Variants in STK3 observed in about 807,000 individuals in gnomAD.
STK3 encodes the protein serine/threonine-protein kinase 3.
In STK3, 41 loss-of-function variants were observed where a neutral mutation model predicts 58.0. That is an observed-to-expected ratio of 0.71 (90% CI 0.55 to 0.92). STK3 has a LOEUF of 0.92. STK3 is among the 40% of genes least tolerant of loss of function. STK3 has a pLI of 0.00. For missense variants in STK3, 479 were observed against 602.7 expected (o/e 0.79, Z 2.15); for synonymous variants, 170 against 191.0 (o/e 0.89, Z 0.91).
At chr8:98,536,375 G>T (rs904642071) in intron 9 of STK3, among the ~76,000 whole-genome samples, 5 of 151,988 alleles carry the variant, frequency 3.3e-5, no homozygotes, top group Admixed American at 3.3e-4. Context: ...ATTGCTTGAG[G>T]CCAGGAGTTT....
intron 3 of STK3, among the ~76,000 whole-genome samples, chr8:98,407,713 CATGT>C (rs1160664521): frequency 9.0e-6 from 1 of 110,576 alleles, no homozygotes; most frequent in Non-Finnish European, 1.8e-5. Context: ...CAGATGAGTG[CATGT>C]GTGTGTGTGT....
intron 3 of STK3, among the ~76,000 whole-genome samples, chr8:98,395,281 G>A (rs944442869): frequency 1.3e-5 from 2 of 151,978 alleles, no homozygotes; most frequent in Non-Finnish European, 2.9e-5. Context: ...CAAAAACGAG[G>A]AAAAATTATT....
intron 3 of STK3, among the ~76,000 whole-genome samples, chr8:98,866,280 C>T (rs749722428): frequency 1.3e-5 from 2 of 152,154 alleles, no homozygotes; most frequent in Non-Finnish European, 2.9e-5. Context: ...CGCTGAAAGC[C>T]TCTTATGTCT....
At chr8:98,601,955 C>T (rs1816388020) in intron 6 of STK3, among the ~76,000 whole-genome samples, 1 of 152,190 alleles carries the variant, frequency 6.6e-6, no homozygotes, top group Admixed American at 6.5e-5. Flanking sequence ...ATAAAAGAGT[C>T]TGATTTAACT....
intron 3 of STK3, among the ~76,000 whole-genome samples, chr8:98,849,268 C>T (rs1016938585): frequency 6.6e-6 from 1 of 150,380 alleles, no homozygotes; most frequent in Admixed American, 6.6e-5. Context: ...CATAAAAAAT[C>T]ATCAACTTAT....
intron 4 of STK3, among the ~76,000 whole-genome samples, chr8:98,712,555 A>G (rs919189375): frequency 1.2e-4 from 18 of 151,640 alleles, no homozygotes; most frequent in South Asian, 4.2e-4. Context: ...ACATAATGGT[A>G]AAGGGATCAA....
chr8:98,568,119 T>A (rs1008575932), intron 8 of STK3, among the ~76,000 whole-genome samples: 2 of 143,866 alleles, frequency 1.4e-5, no homozygotes, highest in African/African-American at 2.6e-5. Context: ...ATAGACTGAT[T>A]TAAAAAATAA....
At chr8:98,801,911 C>G (rs1176473400) in intron 1 of STK3, among the ~76,000 whole-genome samples, 2 of 152,134 alleles carry the variant, frequency 1.3e-5, no homozygotes, top group African/African-American at 4.8e-5. Flanking sequence ...GTGGCTCATA[C>G]CTGCAATTCC....
chr8:98,469,923 G>A (rs931211251), intron 10 of STK3, among the ~76,000 whole-genome samples: 4 of 152,166 alleles, frequency 2.6e-5, no homozygotes, highest in African/African-American at 9.7e-5. Context: ...TGTTATTCAA[G>A]GAAGAGCTTA....
intron 10 of STK3, among the ~76,000 whole-genome samples, chr8:98,521,912 T>C (rs924082242): frequency 3.3e-5 from 5 of 152,162 alleles, no homozygotes; most frequent in Non-Finnish European, 7.4e-5. Context: ...CAAAACCACA[T>C]GGCAATGTCT....
At chr8:98,884,096 G>A (rs1272307868) in intron 1 of STK3, among the ~76,000 whole-genome samples, 2 of 152,068 alleles carry the variant, frequency 1.3e-5, no homozygotes, top group African/African-American at 2.4e-5. Context: ...AAGGAATGAC[G>A]TCACTGAGCC....
intron 8 of STK3, among the ~76,000 whole-genome samples, chr8:98,577,334 A>C (rs1206107392): frequency 1.3e-5 from 2 of 152,078 alleles, no homozygotes; most frequent in Non-Finnish European, 2.9e-5. Context: ...TAAAAATACA[A>C]AAATTAGCCG....
At chr8:98,361,721 T>C in the STK3 span, among the ~76,000 whole-genome samples, 15 of 152,160 alleles carry the variant, frequency 9.9e-5, no homozygotes, top group South Asian at 2.1e-4. Flanking sequence ...ATATATTTCA[T>C]TGGGACACTG....
At chr8:98,676,202 A>G (rs1284595914) in intron 6 of STK3, among the ~76,000 whole-genome samples, 2 of 152,244 alleles carry the variant, frequency 1.3e-5, no homozygotes, top group African/African-American at 4.8e-5. Flanking sequence ...ACTTGAAGCT[A>G]GAGGAGAAAG....
chr8:98,436,598 C>T (rs965689854), intron 2 of STK3: 1 of 152,214 alleles, frequency 6.6e-6, no homozygotes, highest in African/African-American at 2.4e-5. Context: ...TGCCAAGTAC[C>T]ATGTTAGATG....
At chr8:98,533,589 G>A (rs1053464032) in intron 9 of STK3, among the ~76,000 whole-genome samples, 1 of 152,150 alleles carries the variant, frequency 6.6e-6, no homozygotes, top group African/African-American at 2.4e-5. Flanking sequence ...CTGGGCTCAA[G>A]CGATTTTCCC....
chr8:98,591,913 T>C (rs1427018685), intron 7 of STK3, among the ~76,000 whole-genome samples: 2 of 152,246 alleles, frequency 1.3e-5, no homozygotes, highest in African/African-American at 2.4e-5. Flanking sequence ...TACTGGTTTC[T>C]AGTTTCTGTA....
chr8:98,649,204 T>G (rs1820668973), intron 6 of STK3, among the ~76,000 whole-genome samples: 1 of 152,222 alleles, frequency 6.6e-6, no homozygotes, highest in Admixed American at 6.5e-5. Flanking sequence ...GATTGTCTTT[T>G]GACACTAATT....
intron 6 of STK3, among the ~76,000 whole-genome samples, chr8:98,697,815 G>C (rs532193332): frequency 6.6e-6 from 1 of 152,102 alleles, no homozygotes; most frequent in Non-Finnish European, 1.5e-5. Context: ...GGTGTGGTGC[G>C]GTGCTGAAAA....
Sources: allele counts gnomAD v4.1 joint callset (sites outside exome capture counted in the v4.1 genomes callset), GRCh38; gene constraint gnomAD v4.1.1; transcripts MANE v1.5; gene names NCBI Gene and HGNC (gene_info 2026-07-23, HGNC 2026-07-21).